PCDHGB1: variants seen among roughly 807,000 people sequenced by gnomAD.
PCDHGB1 encodes the protein protocadherin gamma subfamily B, 1.
In PCDHGB1, 34 loss-of-function variants were observed where a neutral mutation model predicts 56.6. The ratio of observed to expected loss-of-function variants is 0.60; its 90% CI spans 0.46 to 0.80. The LOEUF (loss-of-function observed/expected upper bound fraction) is 0.80, where lower values mean the gene tolerates loss of function less well. Ranked by LOEUF, PCDHGB1 falls within the 30% of genes least tolerant of loss-of-function variation. The probability of loss-of-function intolerance (pLI) is 0.00; values close to 1 mark genes in which losing one functional copy is unlikely to be tolerated. For synonymous variants in PCDHGB1, 561 were observed against 505.9 expected (o/e 1.11, Z -1.46); for missense variants, 1,278 against 1,204.6 (o/e 1.06, Z -0.90).
rs1203945578 is a variant in PCDHGB1 at position 141,512,055 on chromosome 5, T to G, written c.*882T>G. 6.5e-6 allele frequency: 1 copy of G among 152,698 alleles called. No homozygotes were observed. The highest frequency in any genetic ancestry group is 1.5e-5 in the Non-Finnish European group (1 of 68,092). 9.5% of individuals were successfully genotyped at this position (152,698 alleles called of 1,614,324 possible). The stretch of plus-strand genomic sequence containing the variant: ...GAGGCTCTGTATGTCCTCAGGGGAC[T>G]GACAACATCCTCCAGATTCCAGCCA... On this transcript the variant is annotated 3_prime_UTR_variant, in exon 4 of 4. Transcript: ENST00000523390.
chr5:141,473,004 AAAAG>A (rs1215989598), intron 1 of PCDHGB1, among the ~76,000 whole-genome samples: 5 of 151,730 alleles, frequency 3.3e-5, no homozygotes, highest in Non-Finnish European at 7.4e-5. Context: ...AAAAGAAAGA[AAAAG>A]AAAAAGAAAG....
At chr5:141,458,921 C>T (rs1471065767) in intron 1 of PCDHGB1, among the ~76,000 whole-genome samples, 1 of 151,960 alleles carries the variant, frequency 6.6e-6, no homozygotes, top group East Asian at 1.9e-4. Flanking sequence ...TTTGTGGAGA[C>T]GGGGTCTCAC....
At chr5:141,458,730 C>T (rs1239174331) in intron 1 of PCDHGB1, among the ~76,000 whole-genome samples, 1 of 151,928 alleles carries the variant, frequency 6.6e-6, no homozygotes, top group Non-Finnish European at 1.5e-5. Flanking sequence ...CCACCACATC[C>T]AGCTATTGGT....
chr5:141,460,556 T>C (rs762545295), intron 1 of PCDHGB1, among the ~76,000 whole-genome samples: 10 of 152,152 alleles, frequency 6.6e-5, no homozygotes, highest in Admixed American at 3.3e-4. Context: ...CAAAAATCAT[T>C]TGGCCATGGA....
chr5:141,363,922 T>C (rs1411192181), intron 1 of PCDHGB1, among the ~76,000 whole-genome samples: 1 of 152,164 alleles, frequency 6.6e-6, no homozygotes, highest in Non-Finnish European at 1.5e-5. Context: ...TTTTGTAAGG[T>C]ATTGAGATCT....
At chr5:141,355,208 C>A in intron 1 of PCDHGB1, 1 of 1,598,104 alleles carries the variant, frequency 6.3e-7, no homozygotes, top group Non-Finnish European at 8.5e-7. Context: ...GTAATGGCGG[C>A]GCCTCCTGCT....
chr5:141,382,988 G>T (rs958046112), intron 1 of PCDHGB1: 2 of 1,613,090 alleles, frequency 1.2e-6, no homozygotes, highest in African/African-American at 2.7e-5. Context: ...TGGGCAGGAC[G>T]TATTCTCTAC....
rs766133958 is a variant in PCDHGB1, at chr5:141,403,000, A to G, written c.2409+50331A>G. 27 of 1,613,862 alleles carry G rather than the reference A, an allele frequency of 1.7e-5. No individual in the cohort carries two copies. Among genetic ancestry groups the G allele is most frequent in the Middle Eastern group, 1.6e-4 (1 of 6,082 alleles). ...AGCTCCGCGGAAGATTAGTCCTGCT[A>G]TGCTCGCTCCTGGGGATGCTATGGG... On this transcript the variant is annotated intron_variant, in intron 1 of 3. Transcript: ENST00000523390.
In PCDHGB1 at chr5:141,490,363, C is replaced by G; in HGVS notation, c.2410-4444C>G. 3 of 1,614,154 alleles carry G rather than the reference C, an allele frequency of 1.9e-6. No homozygotes were observed. Among genetic ancestry groups the G allele is most frequent in the Non-Finnish European group, 2.5e-6 (3 of 1,180,032 alleles). On this transcript the variant is annotated intron_variant, in intron 1 of 3. Transcript: ENST00000523390. This position sits in a 1 kb window ranked among gnomAD's most constrained non-coding sequence, Gnocchi z 5.4. ...CACAGTAGTGGGGTTGTTTAATGTGCGAGACCGGGACTCAGGTAGAAATGG... is the reference window on the plus strand; with the variant it reads ...CACAGTAGTGGGGTTGTTTAATGTGGGAGACCGGGACTCAGGTAGAAATGG...
intron 1 of PCDHGB1, among the ~76,000 whole-genome samples, chr5:141,445,357 G>C (rs115045385): frequency 0.013 from 1,909 of 152,252 alleles, 31 homozygotes; most frequent in African/African-American, 0.044. Flanking sequence ...GTCTGCCCAA[G>C]TCTGGTCCTG....
Position 141,486,276 on chromosome 5 carries a change from T to C in PCDHGB1, c.2410-8531T>C. The C allele has an allele frequency of 1.2e-6, 2 of 1,613,980 alleles. No homozygotes were observed. The highest frequency in any genetic ancestry group is 1.7e-6 in the Non-Finnish European group (2 of 1,179,974). On this transcript the variant is annotated intron_variant, in intron 1 of 3. Coordinates refer to ENST00000523390, the MANE Select transcript of PCDHGB1 (RefSeq NM_018922.3). The surrounding 1 kb of genome is among the most constrained non-coding windows in gnomAD (Gnocchi z 5.0). ...CCCGAGAGTGCAGAACCTGGCACTG[T>C]GGTGGCACTTATCAGTGTGCAGGAT...
chr5:141,425,177 GGAATTCCAAACTGA>G (rs2096860295), intron 1 of PCDHGB1, among the ~76,000 whole-genome samples: 1 of 152,036 alleles, frequency 6.6e-6, no homozygotes, highest in South Asian at 2.1e-4. Flanking sequence ...TTATACTTGT[GGAATTCCAAACTGA>G]GAAAAATGAT....
chr5:141,446,639 G>T (rs1461520959), intron 1 of PCDHGB1, among the ~76,000 whole-genome samples: 7 of 152,116 alleles, frequency 4.6e-5, no homozygotes, highest in Non-Finnish European at 8.8e-5. Flanking sequence ...ACCACGCCTG[G>T]CTAATTTTTG....
intron 1 of PCDHGB1, among the ~76,000 whole-genome samples, chr5:141,482,760 C>CAGCTGTG (rs1363796107): frequency 2.1e-5 from 3 of 141,084 alleles, no homozygotes; most frequent in African/African-American, 5.7e-5. Flanking sequence ...TATGGTATTT[C>CAGCTGTG]ATTATCACTG....
At chr5:141,394,094 A>C (rs759909698) in intron 1 of PCDHGB1, 5 of 1,613,934 alleles carry the variant, frequency 3.1e-6, no homozygotes, top group Non-Finnish European at 3.4e-6. Flanking sequence ...CCTCAGATCT[A>C]GGAACACCAC....
intron 1 of PCDHGB1, among the ~76,000 whole-genome samples, chr5:141,444,466 C>T (rs539222916): frequency 7.9e-5 from 12 of 152,100 alleles, no homozygotes; most frequent in East Asian, 1.9e-4. Context: ...TCACTGCGCC[C>T]GGTCGCGTAC....
At chr5:141,360,049 A>G (rs1330133031) in intron 1 of PCDHGB1, 2 of 1,434,672 alleles carry the variant, frequency 1.4e-6, no homozygotes, top group African/African-American at 2.9e-5. Flanking sequence ...CAGAAAACAA[A>G]AGCAGGAAAA....
rs1023816949 is a variant in PCDHGB1, at chr5:141,362,715, T to C, written c.2409+10046T>C. On this transcript the variant is annotated intron_variant, in intron 1 of 3. Transcript: ENST00000523390. ...CTAACTGAATTTTAAGTGTTTTCTC[T>C]CTGAAGTGTGAGATTTATTTACCCA... The C allele has an allele frequency of 8.8e-5, 80 of 911,620 alleles. No individual in the cohort carries two copies. In the East Asian group the frequency reaches 2.0e-3, roughly 23 times the overall value. The allele number at this position is 911,620 out of a possible 1,614,324, so 56.5% of individuals were successfully genotyped here.
chr5:141,393,186 G>C, intron 1 of PCDHGB1: 2 of 1,613,306 alleles, frequency 1.2e-6, no homozygotes, highest in East Asian at 4.5e-5. Context: ...AGAAATAATT[G>C]ATATTAACGA....
Sources: gnomAD v4.1 joint callset for allele counts (sites outside exome capture counted in the v4.1 genomes callset) on GRCh38, gnomAD v4.1.1 for gene constraint, Gnocchi (gnomAD v3.1) non-coding constraint, MANE v1.5 for transcripts, NCBI Gene and HGNC (gene_info 2026-07-23, HGNC 2026-07-21) for gene names.